The following SYTL2 variants were observed in gnomAD, a reference collection of about 807,000 sequenced individuals.
SYTL2 encodes synaptotagmin-like protein 2.
In SYTL2, 165 loss-of-function variants were observed where a neutral mutation model predicts 198.7. The ratio of observed to expected loss-of-function variants is 0.83; its 90% CI spans 0.73 to 0.94. SYTL2 has a LOEUF of 0.94. SYTL2 is among the 40% of genes least tolerant of loss of function. The pLI is 0.00. For synonymous variants in SYTL2, 966 were observed against 917.7 expected, an observed-to-expected ratio of 1.05 and a Z score of -0.95; for missense variants, 2,835 against 2,582.8, an observed-to-expected ratio of 1.10 and a Z score of -2.12.
chr11:85,783,973 C>T (rs7925247), intron 1 of SYTL2, among the ~76,000 whole-genome samples: 8,782 of 152,206 alleles, frequency 0.058, 804 homozygotes, highest in African/African-American at 0.2. Context: ...TTTCCTCAGA[C>T]TGGACTTCCC....
At position 85,727,072 on chromosome 11, in the gene SYTL2, G is replaced by A. The variant is rs1249569195; in HGVS notation, c.2286C>T (p.Gly762=). 1.3e-6 allele frequency: 2 copies of A among 1,536,092 alleles called. No homozygotes were observed. Among genetic ancestry groups the A allele is most frequent in the Non-Finnish European group, 1.7e-6 (2 of 1,146,880 alleles). The change falls in exon 8 of 20, where the codon GGC becomes GGT. Residue 762 remains glycine, a synonymous_variant. Transcript: ENST00000359152. ...GGACCTCAGGCTTCTTCCAAGGAGAGCCATTGTTGGCAACCCCAGGTGTTG... is the reference window on the plus strand; with the variant it reads ...GGACCTCAGGCTTCTTCCAAGGAGAACCATTGTTGGCAACCCCAGGTGTTG... ...IKSTPGVANN[G]SPWKKPEVQF... is the part of the protein sequence containing the mutation.
At chr11:85,813,214 C>G (rs1021071098), upstream of SYTL2, among the ~76,000 whole-genome samples, 4 of 152,116 alleles carry the variant, frequency 2.6e-5, no homozygotes, top group Non-Finnish European at 4.4e-5. Context: ...GAGACTAAAT[C>G]TTAGAGCTCT....
chr11:85,710,979 G>A, intron 13 of SYTL2, 134 bp downstream of exon 13: 1 of 911,804 alleles, frequency 1.1e-6, no homozygotes, highest in East Asian at 2.7e-5. Flanking sequence ...CTAGCCAGAA[G>A]CTAATTATGG....
chr11:85,695,011 T>C lies in SYTL2; in HGVS notation c.*184A>G, dbSNP rs141551962. 42 of 445,256 alleles carry C rather than the reference T, an allele frequency of 9.4e-5. No homozygotes were observed. The highest frequency in any genetic ancestry group is 7.2e-4 in the African/African-American group (36 of 49,898). The allele number at this position is 445,256 out of a possible 1,614,324, so 27.6% of individuals were successfully genotyped here. On this transcript the variant is annotated 3_prime_UTR_variant, in exon 20 of 20. Coordinates refer to ENST00000359152, the MANE Select transcript of SYTL2 (RefSeq NM_206927.4). ...TTAGAGTCACAAATTACACATTTTG[T>C]TATATTTAAATCCCTTGGGCCTTGT...
chr11:85,727,694 G>A lies in SYTL2; in HGVS notation c.1664C>T (p.Ser555Leu), dbSNP rs2089359554. Reference sequence around the variant, plus strand: ...TGTCACCAAGTCAACAGCAACCTGTGATTTTGAGTCTGTTTTTTCTTTGGA... The same window carrying A: ...TGTCACCAAGTCAACAGCAACCTGTAATTTTGAGTCTGTTTTTTCTTTGGA... ...IESKEKTDSKSQVAVDLVTDD... is the reference protein window; with the variant it reads ...IESKEKTDSKLQVAVDLVTDD... The change falls in exon 8 of 20, where the codon TCA (serine) becomes TTA (leucine). Residue 555 changes from serine (S) to leucine (L), a missense_variant. Around this residue, in one of 3 missense-constraint regions of SYTL2, gnomAD observed 2,645 missense variants for 2,381.7 expected, o/e 1.11. Transcript: ENST00000359152. 3.2e-6 allele frequency: 5 copies of A among 1,543,568 alleles called. No homozygotes were observed. Among genetic ancestry groups the A allele is most frequent in the Middle Eastern group, 1.7e-4 (1 of 6,014 alleles).
rs921233159 is a variant in SYTL2 at position 85,781,934 on chromosome 11, C to A, written c.-389-23820G>T. 9.2e-5 allele frequency among the ~76,000 whole-genome samples: 14 copies of A among 152,346 alleles called. No homozygotes were observed. The Middle Eastern group carries it at 0.014, about 148-fold the overall frequency. On this transcript the variant is annotated intron_variant, in intron 1 of 19. Transcript: ENST00000359152. ...CTACAGCTTTTCCAGGCACACAGTGCAAGTGTTGGTGGATCTACCATTCTG... is the reference window on the plus strand; with the variant it reads ...CTACAGCTTTTCCAGGCACACAGTGAAAGTGTTGGTGGATCTACCATTCTG...
the SYTL2 span, among the ~76,000 whole-genome samples, chr11:85,833,011 A>AAAAGAAAG: frequency 3.1e-4 from 15 of 48,174 alleles, no homozygotes; most frequent in Non-Finnish European, 3.9e-4. Context: ...AAAAAGAAAG[A>AAAAGAAAG]AAAGAAAGAA....
intron 1 of SYTL2, among the ~76,000 whole-genome samples, chr11:85,761,239 C>CA (rs2092087548): frequency 6.6e-6 from 1 of 151,390 alleles, no homozygotes; most frequent in Admixed American, 6.6e-5. Context: ...TGGAGGAAAA[C>CA]AAAAAAGGGA....
intron 1 of SYTL2, among the ~76,000 whole-genome samples, chr11:85,808,226 G>A (rs577214925): frequency 3.0e-4 from 46 of 151,928 alleles, no homozygotes; most frequent in South Asian, 2.1e-4. Context: ...GCCACCACGC[G>A]CAGCTAAGTT....
At chr11:85,751,236 T>C (rs186569167) in intron 2 of SYTL2, among the ~76,000 whole-genome samples, 2 of 152,332 alleles carry the variant, frequency 1.3e-5, no homozygotes, top group Non-Finnish European at 2.9e-5. Context: ...ATAATCAACT[T>C]CTTTTTCTAT....
At chr11:85,705,947 T>C (rs1438245880) in intron 15 of SYTL2, among the ~76,000 whole-genome samples, 4 of 152,212 alleles carry the variant, frequency 2.6e-5, no homozygotes, top group Non-Finnish European at 5.9e-5. Flanking sequence ...TAACTGCTTA[T>C]TTTTCCAGAG....
chr11:85,756,541 C>G (rs1399921127), intron 2 of SYTL2, among the ~76,000 whole-genome samples: 1 of 152,152 alleles, frequency 6.6e-6, no homozygotes, highest in Non-Finnish European at 1.5e-5. Flanking sequence ...GGCGAGTCAC[C>G]TGACTTGTCT....
intron 1 of SYTL2, among the ~76,000 whole-genome samples, chr11:85,766,660 G>A (rs1235588919): frequency 6.6e-6 from 1 of 152,186 alleles, no homozygotes; most frequent in East Asian, 1.9e-4. Flanking sequence ...CTGGAAGAGG[G>A]TAATTTGTAT....
chr11:85,722,470 A>G (rs487964), intron 8 of SYTL2, among the ~76,000 whole-genome samples: 113,987 of 151,958 alleles, frequency 0.75, 43,302 homozygotes, highest in African/African-American at 0.87. Context: ...CACCGTGCCC[A>G]GCCTAGGTGA....
chr11:85,708,192 T>C (rs938362117), intron 14 of SYTL2: 7 of 426,880 alleles, frequency 1.6e-5, no homozygotes, highest in African/African-American at 8.6e-5. Context: ...ACTTTCAGCA[T>C]AGAGCTTAAA....
At chr11:85,705,163 CAA>C (rs1485392755) in intron 15 of SYTL2, 135 bp from the exon 16 acceptor site, 7 of 579,870 alleles carry the variant, frequency 1.2e-5, no homozygotes, top group East Asian at 8.5e-5. Context: ...AAAAATATTG[CAA>C]AGTCATCTTA....
intron 6 of SYTL2, among the ~76,000 whole-genome samples, chr11:85,735,824 T>G (rs980049570): frequency 2.6e-5 from 4 of 152,090 alleles, no homozygotes; most frequent in Admixed American, 1.3e-4. Flanking sequence ...CTACAAAATA[T>G]TTTATGTAAT....
chr11:85,739,803 G>A (rs749551755), intron 4 of SYTL2, among the ~76,000 whole-genome samples: 1 of 152,146 alleles, frequency 6.6e-6, no homozygotes, highest in Non-Finnish European at 1.5e-5. Context: ...GAACCCAGGT[G>A]TGTCTGACTC....
chr11:85,825,460 A>T, the SYTL2 span, among the ~76,000 whole-genome samples: 428 of 151,888 alleles, frequency 2.8e-3, no homozygotes, highest in Non-Finnish European at 4.4e-3. Flanking sequence ...TAGTTCCTAG[A>T]AGCTATTTTG....
Sources: allele counts gnomAD v4.1 joint callset (sites outside exome capture counted in the v4.1 genomes callset), GRCh38; gene constraint gnomAD v4.1.1; regional missense constraint gnomAD v4.1.1; transcripts MANE v1.5; gene names NCBI Gene and HGNC (gene_info 2026-07-23, HGNC 2026-07-21).